Variants in SHISA6 observed in about 807,000 individuals in gnomAD.
SHISA6 encodes the protein shisa family member 6, also known as protein shisa-6.
SHISA6 carries 22 observed loss-of-function variants against 47.9 expected under a neutral mutation model. The ratio of observed to expected loss-of-function variants is 0.46; its 90% confidence interval spans 0.33 to 0.66. The LOEUF (loss-of-function observed/expected upper bound fraction) is 0.66. Among genes scored for constraint, SHISA6 ranks in the 30% least tolerant of loss-of-function variants. The pLI is 0.02. For missense variants in SHISA6, 680 were observed against 764.6 expected, an observed-to-expected ratio of 0.89 and a Z score of 1.30; for synonymous variants, 388 against 337.8, an observed-to-expected ratio of 1.15 and a Z score of -1.63.
chr17:11,454,721 C>T (rs941904834), intron 3 of SHISA6, among the ~76,000 whole-genome samples: 4 of 152,300 alleles, frequency 2.6e-5, no homozygotes, highest in Admixed American at 1.3e-4. Context: ...TCCATCATGG[C>T]GCTTATCCAA....
chr17:11,534,241 A>G (rs762887930), intron 3 of SHISA6, among the ~76,000 whole-genome samples: 16 of 150,248 alleles, frequency 1.1e-4, no homozygotes, highest in Admixed American at 5.3e-4. Flanking sequence ...TCTGACTTCA[A>G]GTGATCCGCC....
intron 2 of SHISA6, among the ~76,000 whole-genome samples, chr17:11,281,019 C>T (rs1328742361): frequency 6.6e-6 from 1 of 152,096 alleles, no homozygotes; most frequent in Non-Finnish European, 1.5e-5. Flanking sequence ...ATATAAACAC[C>T]TTGTCCTACA....
chr17:11,374,442 T>C (rs563687917), intron 2 of SHISA6, among the ~76,000 whole-genome samples: 1 of 151,626 alleles, frequency 6.6e-6, no homozygotes, highest in Non-Finnish European at 1.5e-5. Context: ...CTCTGATTCT[T>C]ATGTGACAGT....
chr17:11,557,015 G>A (rs1028063833), intron 5 of SHISA6, among the ~76,000 whole-genome samples: 2 of 152,170 alleles, frequency 1.3e-5, no homozygotes, highest in African/African-American at 4.8e-5. Flanking sequence ...GAAAGGTGGA[G>A]CATCTAAATG....
chr17:11,540,673 C>G (rs902469642), intron 3 of SHISA6, among the ~76,000 whole-genome samples: 3 of 152,178 alleles, frequency 2.0e-5, no homozygotes, highest in African/African-American at 7.2e-5. Context: ...AAAAATTGCT[C>G]TATGGTCAAA....
chr17:11,362,824 C>T (rs951942464), intron 2 of SHISA6, among the ~76,000 whole-genome samples: 4 of 152,304 alleles, frequency 2.6e-5, no homozygotes, highest in African/African-American at 9.6e-5. Context: ...GCCTCCTAAA[C>T]CCAGAGATTT....
chr17:11,243,911 A>T (rs1814144619), intron 1 of SHISA6, among the ~76,000 whole-genome samples: 2 of 152,014 alleles, frequency 1.3e-5, no homozygotes, highest in Admixed American at 1.3e-4. Flanking sequence ...TGCTGCCCTG[A>T]CCCTTCCACC....
chr17:11,275,133 G>C (rs879796789), intron 2 of SHISA6, among the ~76,000 whole-genome samples: 7 of 151,864 alleles, frequency 4.6e-5, no homozygotes, highest in Non-Finnish European at 1.0e-4. Flanking sequence ...GTGGAAGGCT[G>C]CTCTGAGCAG....
At chr17:11,297,398 C>T (rs1909788752) in intron 2 of SHISA6, among the ~76,000 whole-genome samples, 1 of 152,158 alleles carries the variant, frequency 6.6e-6, no homozygotes, top group Admixed American at 6.5e-5. Flanking sequence ...GATCATTCTA[C>T]TACACGAGGT....
At chr17:11,528,669 G>A (rs2071706872) in intron 3 of SHISA6, among the ~76,000 whole-genome samples, 1 of 152,082 alleles carries the variant, frequency 6.6e-6, no homozygotes, top group African/African-American at 2.4e-5. Flanking sequence ...ATATTTATGT[G>A]CACATTTTGG....
At chr17:11,309,416 C>T (rs1910242952) in intron 2 of SHISA6, among the ~76,000 whole-genome samples, 1 of 152,178 alleles carries the variant, frequency 6.6e-6, no homozygotes, top group Admixed American at 6.5e-5. Context: ...GAACCTGTAT[C>T]TATTCTGTAG....
intron 1 of SHISA6, among the ~76,000 whole-genome samples, chr17:11,257,591 G>A (rs1257047778): frequency 6.6e-6 from 1 of 151,392 alleles, no homozygotes; most frequent in African/African-American, 2.4e-5. Context: ...AGCCCAGGAA[G>A]CCGAGGCTGC....
chr17:11,341,301 T>C (rs1000369303), intron 2 of SHISA6, among the ~76,000 whole-genome samples: 5 of 149,776 alleles, frequency 3.3e-5, no homozygotes, highest in African/African-American at 1.2e-4. Context: ...CCCTGTAAAA[T>C]AGGAATCCCA....
At chr17:11,352,775 C>T (rs1019383036) in intron 2 of SHISA6, among the ~76,000 whole-genome samples, 1 of 152,152 alleles carries the variant, frequency 6.6e-6, no homozygotes, top group Admixed American at 6.5e-5. Flanking sequence ...ACAGTGGTTC[C>T]TACAGCTACT....
chr17:11,446,203 G>A (rs955155257), intron 3 of SHISA6, among the ~76,000 whole-genome samples: 2 of 152,318 alleles, frequency 1.3e-5, no homozygotes, highest in Non-Finnish European at 1.5e-5. Flanking sequence ...TCAAGTGAAG[G>A]AGGACTCTGC....
At chr17:11,253,570 G>T (rs887034623) in intron 1 of SHISA6, among the ~76,000 whole-genome samples, 4 of 152,090 alleles carry the variant, frequency 2.6e-5, no homozygotes, top group Admixed American at 6.6e-5. Flanking sequence ...CAGTAAAAAT[G>T]CATTTCCTTT....
At chr17:11,395,876 C>G (rs1479222761) in intron 3 of SHISA6, among the ~76,000 whole-genome samples, 1 of 152,072 alleles carries the variant, frequency 6.6e-6, no homozygotes, top group East Asian at 1.9e-4. Context: ...ATTAATGCCA[C>G]TAGTAAAATG....
At chr17:11,467,123 A>G (rs558667827) in intron 3 of SHISA6, among the ~76,000 whole-genome samples, 1 of 152,298 alleles carries the variant, frequency 6.6e-6, no homozygotes, top group Non-Finnish European at 1.5e-5. Flanking sequence ...AGATGTATTT[A>G]TTCACAAGCT....
chr17:11,519,047 G>T (rs907496117), intron 3 of SHISA6, among the ~76,000 whole-genome samples: 2 of 152,084 alleles, frequency 1.3e-5, no homozygotes, highest in East Asian at 3.9e-4. Flanking sequence ...ACTTCCTCAC[G>T]TGTTATTGGA....
Sources: gnomAD v4.1 joint callset for allele counts (sites outside exome capture counted in the v4.1 genomes callset) on GRCh38, gnomAD v4.1.1 for gene constraint, MANE v1.5 for transcripts, NCBI Gene and HGNC (gene_info 2026-07-23, HGNC 2026-07-21) for gene names.